BABAM2: variants seen among roughly 807,000 people sequenced by gnomAD.
BABAM2 encodes the protein BRISC and BRCA1 A complex member 2, also known as BRISC and BRCA1-A complex member 2.
A neutral mutation model predicts 54.7 loss-of-function variants in BABAM2; 31 were observed. That is an observed-to-expected ratio of 0.57 (90% CI 0.43 to 0.77). The LOEUF is 0.77. Ranked by LOEUF, BABAM2 falls within the 30% of genes least tolerant of loss-of-function variation. BABAM2 has a pLI of 0.00. For missense variants in BABAM2, 364 were observed against 455.8 expected (o/e 0.80, Z 1.83); for synonymous variants, 167 against 162.9 (o/e 1.03, Z -0.19).
intron 3 of BABAM2, among the ~76,000 whole-genome samples, chr2:27,961,898 T>A (rs529548919): frequency 1.3e-5 from 2 of 151,454 alleles, no homozygotes; most frequent in East Asian, 1.9e-4. Context: ...TGGCTAATTT[T>A]TAAATTTTTT....
intron 7 of BABAM2, chr2:28,233,092 G>C: frequency 2.7e-6 from 1 of 368,442 alleles, no homozygotes; most frequent in South Asian, 2.1e-5. Context: ...CATGAAGAGA[G>C]AGAAGGTACC....
Position 28,244,850 on chromosome 2 carries a change from T to G in BABAM2, c.922T>G (p.Phe308Val). 1 of 1,613,974 alleles carries G rather than the reference T, an allele frequency of 6.2e-7. No individual in the cohort carries two copies. The highest frequency in any genetic ancestry group is 2.2e-5 in the East Asian group (1 of 44,860). Residue 308 changes from phenylalanine (F) to valine (V), a missense_variant, in exon 10 of 12, where the codon TTT becomes GTT. Phe to Val is a conservative substitution (Grantham distance 50). Transcript: ENST00000379624. ...TLLLMWKDFC[F>V]LVHIDLPLFF... ...GCTGCTGATGTGGAAAGATTTTTGT[T>G]TTCTTGTACACAGTGAGTATACTTT...
intron 10 of BABAM2, among the ~76,000 whole-genome samples, chr2:28,258,768 A>G (rs555956942): frequency 1.3e-4 from 19 of 150,748 alleles, no homozygotes; most frequent in Admixed American, 1.3e-3. Context: ...ATGCACCGCC[A>G]TGCCTGGCTA....
chr2:28,178,105 CAAAG>C (rs1466014076), intron 7 of BABAM2, among the ~76,000 whole-genome samples: 2 of 152,056 alleles, frequency 1.3e-5, no homozygotes, highest in Non-Finnish European at 2.9e-5. Flanking sequence ...CAGAAATTAA[CAAAG>C]AAATATTGAA....
At chr2:28,192,252 T>A (rs552918239) in intron 7 of BABAM2, among the ~76,000 whole-genome samples, 343 of 152,210 alleles carry the variant, frequency 2.3e-3, no homozygotes, top group Middle Eastern at 6.8e-3. Context: ...GCCAGGATGG[T>A]CTTGATCTCC....
intron 7 of BABAM2, among the ~76,000 whole-genome samples, chr2:28,177,896 TAAAG>T (rs1675183419): frequency 6.6e-6 from 1 of 151,856 alleles, no homozygotes; most frequent in South Asian, 2.1e-4. Context: ...TAAGAAGAGA[TAAAG>T]AAGGTCATTA....
At chr2:27,941,210 CCT>C (rs1668849665) in intron 3 of BABAM2, among the ~76,000 whole-genome samples, 2 of 152,074 alleles carry the variant, frequency 1.3e-5, no homozygotes, top group African/African-American at 4.8e-5. Context: ...TATCTATTAC[CCT>C]GTTTCAGGAA....
At position 28,141,130 on chromosome 2, in the gene BABAM2, T is replaced by C. The variant is rs553837047; in HGVS notation, c.680+11750T>C. ...GGCCCCACCTCCTAATACTATTGCA[T>C]TGGGGGTTAGGGCTTCAACATGTGG... On this transcript the variant is annotated intron_variant, in intron 7 of 11. Coordinates refer to ENST00000379624, the MANE Select transcript of BABAM2 (RefSeq NM_199191.3). 1.1e-4 allele frequency among the ~76,000 whole-genome samples: 17 copies of C among 152,240 alleles called. No individual in the cohort carries two copies. In the South Asian group the frequency reaches 1.5e-3, roughly 13 times the overall value.
chr2:28,105,628 C>CA (rs1298019236), intron 6 of BABAM2, among the ~76,000 whole-genome samples: 14 of 152,222 alleles, frequency 9.2e-5, no homozygotes, highest in African/African-American at 3.4e-4. Flanking sequence ...TATCTTCAAG[C>CA]GTTGTTGGCG....
intron 3 of BABAM2, among the ~76,000 whole-genome samples, chr2:27,933,606 C>G (rs770832538): frequency 1.3e-5 from 2 of 151,792 alleles, no homozygotes; most frequent in African/African-American, 4.8e-5. Context: ...GTAGTTGGAA[C>G]TACAGGTGCC....
chr2:27,982,636 C>A (rs1419039092), intron 3 of BABAM2, among the ~76,000 whole-genome samples: 1 of 150,070 alleles, frequency 6.7e-6, no homozygotes, highest in African/African-American at 2.4e-5. Flanking sequence ...ATATACTTAA[C>A]AAAATTTACC....
intron 7 of BABAM2, among the ~76,000 whole-genome samples, chr2:28,181,662 A>G (rs1675639960): frequency 6.6e-6 from 1 of 152,200 alleles, no homozygotes; most frequent in African/African-American, 2.4e-5. Flanking sequence ...ACAAAATATT[A>G]CATATACCCC....
intron 5 of BABAM2, among the ~76,000 whole-genome samples, chr2:28,029,914 A>G (rs566155341): frequency 9.2e-5 from 14 of 152,288 alleles, no homozygotes; most frequent in Non-Finnish European, 1.9e-4. Flanking sequence ...TTTAGCCTCT[A>G]TCCCCAGCAT....
chr2:28,297,820 ATCACCTGCACTCTTACCGCTTCTCC>A lies in BABAM2; in HGVS notation c.935-517_935-493del, dbSNP rs200456276. ...CCATATCCTATAAAGTAGAAAGATTATCACCTGCACTCTTACCGCTTCTCCAAATGCATTCTTGAAAAACAGCCTC... is the reference window on the plus strand; with the variant it reads ...CCATATCCTATAAAGTAGAAAGATTAAAATGCATTCTTGAAAAACAGCCTC... On this transcript the variant is annotated intron_variant, in intron 10 of 11. Coordinates refer to ENST00000379624, the MANE Select transcript of BABAM2 (RefSeq NM_199191.3). Among the ~76,000 whole-genome samples the A allele has an allele frequency of 2.8e-4, 43 of 152,322 alleles. 2 individuals carry two copies. The East Asian group carries it at 8.1e-3, about 29-fold the overall frequency.
chr2:28,062,547 G>A (rs1461965649), intron 6 of BABAM2, among the ~76,000 whole-genome samples: 1 of 135,910 alleles, frequency 7.4e-6, no homozygotes, highest in Non-Finnish European at 1.5e-5. Flanking sequence ...TGGTAACAGA[G>A]CAAGACTCCA....
intron 7 of BABAM2, among the ~76,000 whole-genome samples, chr2:28,160,265 G>T (rs1342514365): frequency 6.6e-6 from 1 of 152,186 alleles, no homozygotes; most frequent in African/African-American, 2.4e-5. Context: ...TCCAGGACTA[G>T]CCACTGCGCC....
At chr2:28,235,304 G>A (rs1347869715) in intron 7 of BABAM2, among the ~76,000 whole-genome samples, 1 of 152,030 alleles carries the variant, frequency 6.6e-6, no homozygotes, top group African/African-American at 2.4e-5. Context: ...AGCCTCCCAA[G>A]TAGCTGGGAT....
chr2:28,141,140 G>A (rs376690283), intron 7 of BABAM2, among the ~76,000 whole-genome samples: 3 of 152,204 alleles, frequency 2.0e-5, no homozygotes, highest in Admixed American at 2.0e-4. Flanking sequence ...TTGGGGGTTA[G>A]GGCTTCAACA....
At chr2:28,252,236 A>G in intron 10 of BABAM2, among the ~76,000 whole-genome samples, 1 of 152,116 alleles carries the variant, frequency 6.6e-6, no homozygotes, top group African/African-American at 2.4e-5. Context: ...ATGAAAATTA[A>G]TTATCAACAA....
Sources: allele counts gnomAD v4.1 joint callset (sites outside exome capture counted in the v4.1 genomes callset), GRCh38; gene constraint gnomAD v4.1.1; transcripts MANE v1.5; gene names NCBI Gene and HGNC (gene_info 2026-07-23, HGNC 2026-07-21).